Variants in MAML2 observed in about 807,000 individuals in gnomAD.
MAML2 encodes the protein mastermind-like protein 2.
Under a neutral mutation model 96.1 loss-of-function variants are expected in MAML2, and 22 were observed. The ratio of observed to expected loss-of-function variants is 0.23; its 90% CI spans 0.16 to 0.33. The LOEUF (loss-of-function observed/expected upper bound fraction) is 0.33. Ranked by LOEUF, MAML2 falls within the 10% of genes least tolerant of loss-of-function variation. The probability of loss-of-function intolerance (pLI) is 1.00; values close to 1 mark genes in which losing one functional copy is unlikely to be tolerated. For missense variants in MAML2, 1,367 were observed against 1,392.4 expected (o/e 0.98, Z 0.29); for synonymous variants, 561 against 521.3 (o/e 1.08, Z -1.04).
At chr11:96,223,702 T>C (rs962896360) in intron 1 of MAML2, among the ~76,000 whole-genome samples, 2 of 152,182 alleles carry the variant, frequency 1.3e-5, no homozygotes, top group Non-Finnish European at 2.9e-5. Context: ...GGTATTTTTT[T>C]CGGATCCTCT....
chr11:96,204,496 C>G (rs1329370994), intron 1 of MAML2, among the ~76,000 whole-genome samples: 3 of 152,150 alleles, frequency 2.0e-5, no homozygotes, highest in African/African-American at 7.2e-5. Context: ...AGGGACATTA[C>G]TAGGGAATTG....
chr11:96,034,575 CA>C (rs956266096), intron 2 of MAML2, among the ~76,000 whole-genome samples: 1 of 151,848 alleles, frequency 6.6e-6, no homozygotes, highest in African/African-American at 2.4e-5. Context: ...ATTTCTAATG[CA>C]AAAAAATTTT....
chr11:96,149,138 G>A (rs987756842), intron 1 of MAML2, among the ~76,000 whole-genome samples: 3 of 152,116 alleles, frequency 2.0e-5, no homozygotes, highest in Non-Finnish European at 4.4e-5. Flanking sequence ...AGTAGGCCAG[G>A]TGTGGTGGCT....
intron 2 of MAML2, among the ~76,000 whole-genome samples, chr11:96,059,126 C>T (rs1859115416): frequency 6.6e-6 from 1 of 152,088 alleles, no homozygotes; most frequent in Non-Finnish European, 1.5e-5. Flanking sequence ...ACCTGAGGCA[C>T]AGAGAGTTTA....
chr11:96,259,251 T>C (rs1385291155), intron 1 of MAML2, among the ~76,000 whole-genome samples: 1 of 137,776 alleles, frequency 7.3e-6, no homozygotes, highest in Non-Finnish European at 1.6e-5. Flanking sequence ...TTTCCAGATG[T>C]TTTTTTTCTT....
At position 96,140,867 on chromosome 11, in the gene MAML2, C is replaced by A. The variant is rs1300893580; in HGVS notation, c.514-47350G>T. 1.3e-5 allele frequency among the ~76,000 whole-genome samples: 2 copies of A among 152,200 alleles called. 1 individual carries two copies. Among genetic ancestry groups the A allele is most frequent in the Non-Finnish European group, 2.9e-5 (2 of 68,040 alleles). On this transcript the variant is annotated intron_variant, in intron 1 of 4. Transcript: ENST00000524717. The stretch of plus-strand genomic sequence containing the variant: ...CATCACGGGCCATGCTAGGAGCTGT[C>A]ATTTTAGGGACACACAGGAACATCA...
chr11:96,143,354 C>T (rs1860765090), intron 1 of MAML2, among the ~76,000 whole-genome samples: 1 of 152,204 alleles, frequency 6.6e-6, no homozygotes, highest in African/African-American at 2.4e-5. Context: ...TTCAGATGGA[C>T]AGTCCTCAAA....
chr11:96,176,815 C>T (rs923574650), intron 1 of MAML2, among the ~76,000 whole-genome samples: 2 of 152,040 alleles, frequency 1.3e-5, no homozygotes, highest in Non-Finnish European at 2.9e-5. Context: ...TTTAAAGGGG[C>T]TTGGAGGAGC....
chr11:96,290,079 T>C (rs1863189006), intron 1 of MAML2, among the ~76,000 whole-genome samples: 1 of 152,212 alleles, frequency 6.6e-6, no homozygotes. Flanking sequence ...TTGAGTATCT[T>C]TGGACAATTT....
intron 1 of MAML2, among the ~76,000 whole-genome samples, chr11:96,287,678 T>C (rs1863158559): frequency 1.3e-5 from 2 of 152,208 alleles, no homozygotes; most frequent in African/African-American, 4.8e-5. Flanking sequence ...AAGTAGATTG[T>C]TCTACGGTAA....
intron 4 of MAML2, among the ~76,000 whole-genome samples, chr11:95,983,385 G>A (rs754250526): frequency 2.6e-5 from 4 of 152,116 alleles, no homozygotes; most frequent in South Asian, 2.1e-4. Context: ...ATAGAATTGC[G>A]GTTTCTAGAG....
At chr11:96,315,332 T>A (rs1190589470) in intron 1 of MAML2, among the ~76,000 whole-genome samples, 3 of 152,234 alleles carry the variant, frequency 2.0e-5, no homozygotes, top group African/African-American at 7.2e-5. Context: ...ATTCCCTAAA[T>A]AATCCATTTT....
chr11:96,294,589 T>C (rs1163948652), intron 1 of MAML2, among the ~76,000 whole-genome samples: 2 of 152,236 alleles, frequency 1.3e-5, no homozygotes, highest in Non-Finnish European at 1.5e-5. Context: ...AGAGGCTCAC[T>C]GTTAGTGGTA....
At chr11:96,130,936 A>G (rs1425565768) in intron 1 of MAML2, among the ~76,000 whole-genome samples, 3 of 152,216 alleles carry the variant, frequency 2.0e-5, no homozygotes, top group African/African-American at 7.2e-5. Flanking sequence ...AATGCCTACC[A>G]TACTAGGCAT....
At chr11:96,060,507 C>T (rs1425875270) in intron 2 of MAML2, among the ~76,000 whole-genome samples, 1 of 151,916 alleles carries the variant, frequency 6.6e-6, no homozygotes, top group Admixed American at 6.6e-5. Flanking sequence ...AAATCACCCA[C>T]ATATCTATTT....
chr11:96,110,039 A>G (rs1441348653), intron 1 of MAML2, among the ~76,000 whole-genome samples: 4 of 152,184 alleles, frequency 2.6e-5, no homozygotes, highest in Admixed American at 2.0e-4. Context: ...TGAAAAAAAG[A>G]AGAGAGTGTT....
rs1054308031 is a variant in MAML2 at position 95,977,742 on chromosome 11, A to T, written c.*1206T>A. The T allele has an allele frequency of 1.3e-5, 3 of 224,144 alleles. No individual in the cohort carries two copies. 13.9% of individuals were successfully genotyped at this position (224,144 alleles called of 1,614,324 possible). A position where few individuals can be genotyped will look rare whatever the true frequency, so the allele number is the denominator to read the frequency against. On this transcript the variant is annotated 3_prime_UTR_variant, in exon 5 of 5. Transcript: ENST00000524717. The stretch of plus-strand genomic sequence containing the variant: ...AGAGTCCATCTAGCATGTGGCAATG[A>T]TTCATCACATCAGGGACAAAAGAAC...
At chr11:95,988,181 G>A (rs927042846) in intron 3 of MAML2, among the ~76,000 whole-genome samples, 1 of 151,776 alleles carries the variant, frequency 6.6e-6, no homozygotes, top group Non-Finnish European at 1.5e-5. Context: ...GAGATAAAGA[G>A]AAGAAGGTGC....
At chr11:96,097,841 G>GGCTCT (rs146192542) in intron 1 of MAML2, among the ~76,000 whole-genome samples, 3,703 of 152,198 alleles carry the variant, frequency 0.024, 156 homozygotes, top group African/African-American at 0.084. Flanking sequence ...TTAATCTCAT[G>GGCTCT]GCTCTCTGAG....
Sources: allele counts gnomAD v4.1 joint callset (sites outside exome capture counted in the v4.1 genomes callset), GRCh38; gene constraint gnomAD v4.1.1; transcripts MANE v1.5; gene names NCBI Gene and HGNC (gene_info 2026-07-23, HGNC 2026-07-21).